The following DLGAP1 variants were observed in gnomAD, a reference collection of about 807,000 sequenced individuals.
DLGAP1 encodes disks large-associated protein 1.
DLGAP1 carries 11 observed loss-of-function variants against 90.8 expected under a neutral mutation model. That is an observed-to-expected ratio of 0.12 (90% CI 0.08 to 0.20). The LOEUF is 0.20. Ranked by LOEUF, DLGAP1 falls within the 10% of genes least tolerant of loss-of-function variation. DLGAP1 has a pLI of 1.00. For missense variants in DLGAP1, 1,050 were observed against 1,333.8 expected (o/e 0.79, Z 3.31); for synonymous variants, 558 against 540.7 (o/e 1.03, Z -0.44).
At chr18:3,897,778 ATTTTTTTTTTTT>A (rs869170460) in intron 3 of DLGAP1, among the ~76,000 whole-genome samples, 257 of 94,512 alleles carry the variant, frequency 2.7e-3, no homozygotes, top group African/African-American at 0.01. Context: ...CGAATTTCTG[ATTTTTTTTTTTT>A]TTTTTTTTTT....
chr18:3,974,773 G>C (rs1352610157), intron 3 of DLGAP1, among the ~76,000 whole-genome samples: 1 of 152,040 alleles, frequency 6.6e-6, no homozygotes, highest in Non-Finnish European at 1.5e-5. Context: ...ACACCGATGA[G>C]TAGTATTTTA....
intron 2 of DLGAP1, among the ~76,000 whole-genome samples, chr18:4,051,343 A>G (rs72871111): frequency 0.15 from 22,257 of 152,260 alleles, 1,763 homozygotes; most frequent in Admixed American, 0.25. Context: ...ATAGTTCAGC[A>G]TGGCTGGGGA....
At chr18:4,426,112 C>T (rs1213734116) in intron 1 of DLGAP1, among the ~76,000 whole-genome samples, 2 of 152,136 alleles carry the variant, frequency 1.3e-5, no homozygotes, top group East Asian at 3.9e-4. Flanking sequence ...GATAAAAGTT[C>T]TCCATAGAGC....
intron 1 of DLGAP1, among the ~76,000 whole-genome samples, chr18:4,335,065 T>C (rs2081039568): frequency 6.6e-6 from 1 of 151,926 alleles, no homozygotes; most frequent in African/African-American, 2.4e-5. Context: ...AGAATCTCTC[T>C]TTAAGAATTA....
chr18:3,502,715 T>C (rs1598955091), intron 11 of DLGAP1, 70 bp from the exon 12 acceptor site: 1 of 1,518,432 alleles, frequency 6.6e-7, no homozygotes, highest in African/African-American at 1.4e-5. Context: ...CAAAAAGGCA[T>C]TTTCAAATAT....
chr18:4,368,362 C>CT (rs1226344227), intron 1 of DLGAP1, among the ~76,000 whole-genome samples: 4 of 152,018 alleles, frequency 2.6e-5, no homozygotes, highest in Admixed American at 6.6e-5. Context: ...TGAAGGTAGG[C>CT]TTTTTTATAA....
chr18:4,389,288 T>C (rs1221977968), intron 1 of DLGAP1, among the ~76,000 whole-genome samples: 8 of 152,180 alleles, frequency 5.3e-5, no homozygotes, highest in Non-Finnish European at 1.0e-4. Context: ...TGATTCTACT[T>C]AAATGAAGTG....
chr18:4,059,273 T>C (rs2075266156), intron 2 of DLGAP1, among the ~76,000 whole-genome samples: 1 of 152,186 alleles, frequency 6.6e-6, no homozygotes, highest in Admixed American at 6.5e-5. Flanking sequence ...CTTTTCCTTT[T>C]TTTTCTCCCC....
intron 2 of DLGAP1, among the ~76,000 whole-genome samples, chr18:4,041,145 T>A (rs1295591128): frequency 6.6e-6 from 1 of 152,232 alleles, no homozygotes; most frequent in Non-Finnish European, 1.5e-5. Flanking sequence ...GGCAAGAACC[T>A]CAATTACTTT....
intron 1 of DLGAP1, among the ~76,000 whole-genome samples, chr18:4,326,671 A>ATC (rs1240996827): frequency 6.6e-6 from 1 of 152,138 alleles, no homozygotes; most frequent in East Asian, 1.9e-4. Context: ...ATAAAAAAAG[A>ATC]ATGAGCTCAT....
chr18:4,034,430 A>AT (rs2074855508), intron 2 of DLGAP1, among the ~76,000 whole-genome samples: 1 of 152,212 alleles, frequency 6.6e-6, no homozygotes, highest in South Asian at 2.1e-4. Context: ...CATAAAAATC[A>AT]TTAAAAACCC....
At chr18:4,282,074 G>T (rs1568488878) in intron 1 of DLGAP1, among the ~76,000 whole-genome samples, 1 of 152,138 alleles carries the variant, frequency 6.6e-6, no homozygotes, top group African/African-American at 2.4e-5. Context: ...CATTAAAAGA[G>T]TCAAAATGGG....
intron 4 of DLGAP1, among the ~76,000 whole-genome samples, chr18:3,823,505 A>G (rs956829501): frequency 3.3e-5 from 5 of 152,246 alleles, no homozygotes; most frequent in African/African-American, 1.2e-4. Context: ...ACAGCTTGTC[A>G]GAATTGAAAG....
At chr18:3,943,177 A>T (rs1322190351) in intron 3 of DLGAP1, among the ~76,000 whole-genome samples, 1 of 151,894 alleles carries the variant, frequency 6.6e-6, no homozygotes, top group Non-Finnish European at 1.5e-5. Flanking sequence ...ACCTGCTCTT[A>T]TTGTCTTCCC....
At chr18:3,597,378 G>C in intron 7 of DLGAP1, 1 of 384,320 alleles carries the variant, frequency 2.6e-6, no homozygotes. Flanking sequence ...GAGCATCCCT[G>C]ACTCTGAGAC....
intron 1 of DLGAP1, among the ~76,000 whole-genome samples, chr18:4,189,710 C>T (rs187811791): frequency 2.8e-4 from 42 of 152,210 alleles, no homozygotes; most frequent in Non-Finnish European, 4.9e-4. Context: ...CGACTAAAAA[C>T]GTACTGTGAA....
chr18:3,986,721 C>A (rs7238235), intron 3 of DLGAP1: 83,342 of 152,028 alleles, frequency 0.55, 23,434 homozygotes, highest in African/African-American at 0.67. Flanking sequence ...TAGCTATTCT[C>A]AGCAGGATTC....
At chr18:3,922,173 C>T (rs2072282527) in intron 3 of DLGAP1, among the ~76,000 whole-genome samples, 1 of 152,200 alleles carries the variant, frequency 6.6e-6, no homozygotes, top group South Asian at 2.1e-4. Flanking sequence ...TGGGAGATTG[C>T]TGAGTTCCTT....
intron 3 of DLGAP1, among the ~76,000 whole-genome samples, chr18:3,923,133 C>CAAAAAA (rs34107115): frequency 9.8e-5 from 7 of 71,168 alleles, no homozygotes; most frequent in Non-Finnish European, 1.4e-4. Context: ...GAACCTGTCT[C>CAAAAAA]AAAAAAAAAA....
Sources: allele counts gnomAD v4.1 joint callset (sites outside exome capture counted in the v4.1 genomes callset), GRCh38; gene constraint gnomAD v4.1.1; transcripts MANE v1.5; gene names NCBI Gene and HGNC (gene_info 2026-07-23, HGNC 2026-07-21).